The following DRAM1 variants were observed in gnomAD, a reference collection of about 807,000 sequenced individuals.
DRAM1 encodes DNA damage regulated autophagy modulator 1, also known as DNA damage-regulated autophagy modulator protein 1.
DRAM1 carries 25 observed loss-of-function variants against 28.5 expected under a neutral mutation model. That is an observed-to-expected ratio of 0.88 (90% CI 0.64 to 1.23). The LOEUF (loss-of-function observed/expected upper bound fraction) is 1.23. Ranked by LOEUF, DRAM1 falls within the 50% of genes most tolerant of loss-of-function variation. The pLI is 0.00. For missense variants in DRAM1, 249 were observed against 299.2 expected, an observed-to-expected ratio of 0.83 and a Z score of 1.24; for synonymous variants, 113 against 114.2, an observed-to-expected ratio of 0.99 and a Z score of 0.07.
chr12:101,880,894 G>C (rs1241409687), intron 1 of DRAM1, among the ~76,000 whole-genome samples: 1 of 152,064 alleles, frequency 6.6e-6, no homozygotes, highest in East Asian at 1.9e-4. Flanking sequence ...AGGAGAAAAA[G>C]GCATGCCCCC....
At chr12:101,916,259 T>A (rs1471901281) in intron 5 of DRAM1, among the ~76,000 whole-genome samples, 1 of 152,198 alleles carries the variant, frequency 6.6e-6, no homozygotes, top group Non-Finnish European at 1.5e-5. Flanking sequence ...ATGCCTGTAA[T>A]CCCAGCACTT....
intron 1 of DRAM1, among the ~76,000 whole-genome samples, chr12:101,893,239 C>A (rs1224851023): frequency 6.6e-6 from 1 of 152,226 alleles, no homozygotes; most frequent in Non-Finnish European, 1.5e-5. Flanking sequence ...CTGGTGTCTG[C>A]TCCTGAGCAG....
chr12:101,906,854 CAAAAAAA>C (rs751751554), intron 3 of DRAM1, among the ~76,000 whole-genome samples: 1 of 67,488 alleles, frequency 1.5e-5, no homozygotes, highest in Admixed American at 1.9e-4. Context: ...GACTCTGCCT[CAAAAAAA>C]AAAAAAAAAA....
At chr12:101,886,871 T>C (rs1168513668) in intron 1 of DRAM1, among the ~76,000 whole-genome samples, 3 of 152,192 alleles carry the variant, frequency 2.0e-5, no homozygotes, top group Non-Finnish European at 2.9e-5. Flanking sequence ...TTGGGCCGGA[T>C]GCAGTGGCTC....
chr12:101,916,853 G>T lies in DRAM1; in HGVS notation c.579+2621G>T, dbSNP rs569001220. On this transcript the variant is annotated intron_variant, in intron 5 of 6. Coordinates refer to ENST00000258534, the MANE Select transcript of DRAM1 (RefSeq NM_018370.3). ...ATAGAGGATCCTGAGGGATTTTATA[G>T]TTCAGAGGGGCAAACAGCCAGTTGT... Among the ~76,000 whole-genome samples, 4 of 152,314 alleles carry T rather than the reference G, an allele frequency of 2.6e-5. No individual in the cohort carries two copies. In the East Asian group the frequency reaches 7.7e-4, roughly 29 times the overall value.
intron 1 of DRAM1, among the ~76,000 whole-genome samples, chr12:101,892,057 T>C (rs772014372): frequency 2.0e-5 from 3 of 152,192 alleles, no homozygotes; most frequent in Non-Finnish European, 4.4e-5. Flanking sequence ...AGTGTTTACT[T>C]ATCTGGATTC....
At chr12:101,906,242 T>C (rs1484969936) in intron 3 of DRAM1, among the ~76,000 whole-genome samples, 1 of 151,556 alleles carries the variant, frequency 6.6e-6, no homozygotes. Context: ...AGTTAAAAGG[T>C]CTTTTTTTTT....
chr12:101,916,975 A>G (rs922495100), intron 5 of DRAM1, among the ~76,000 whole-genome samples: 2 of 152,248 alleles, frequency 1.3e-5, no homozygotes, highest in Non-Finnish European at 2.9e-5. Context: ...AATTAATCCT[A>G]ACGATGGAAT....
chr12:101,897,722 C>G, intron 1 of DRAM1, 141 bp from the exon 2 acceptor site: 2 of 643,840 alleles, frequency 3.1e-6, no homozygotes, highest in East Asian at 2.9e-5. Flanking sequence ...TACTTTAGAA[C>G]AAAATCAGGC....
At chr12:101,882,107 A>AT (rs78402038) in intron 1 of DRAM1, among the ~76,000 whole-genome samples, 1,900 of 129,370 alleles carry the variant, frequency 0.015, 111 homozygotes, top group Non-Finnish European at 0.023. Flanking sequence ...TGATGGTCTA[A>AT]TTTTTTTTTT....
chr12:101,878,159 C>CCCA, intron 1 of DRAM1, among the ~76,000 whole-genome samples: 1 of 152,118 alleles, frequency 6.6e-6, no homozygotes, highest in Non-Finnish European at 1.5e-5. Context: ...AGGAGAGGTT[C>CCCA]AGGATAGATG....
At chr12:101,914,915 C>G (rs557239757) in intron 5 of DRAM1, among the ~76,000 whole-genome samples, 31 of 151,920 alleles carry the variant, frequency 2.0e-4, no homozygotes, top group African/African-American at 7.5e-4. Context: ...GTCTCGGCCT[C>G]CCAAAGTGCT....
intron 5 of DRAM1, 96 bp from the exon 6 acceptor site, chr12:101,920,013 G>A: frequency 1.2e-6 from 1 of 823,410 alleles, no homozygotes; most frequent in East Asian, 2.9e-5. Flanking sequence ...TCACTGGACA[G>A]CTTTTTCCTT....
At chr12:101,915,183 A>G (rs141062979) in intron 5 of DRAM1, among the ~76,000 whole-genome samples, 7,120 of 150,726 alleles carry the variant, frequency 0.047, 559 homozygotes, top group African/African-American at 0.16. Context: ...GTTTCACCGT[A>G]TTAGCCAGGA....
At chr12:101,906,273 T>C (rs1057111666) in intron 3 of DRAM1, among the ~76,000 whole-genome samples, 6 of 151,972 alleles carry the variant, frequency 3.9e-5, no homozygotes, top group African/African-American at 7.3e-5. Flanking sequence ...CCCTTTCTTA[T>C]GTGGTGAATG....
intron 1 of DRAM1, among the ~76,000 whole-genome samples, chr12:101,887,744 G>A (rs1441340375): frequency 2.0e-5 from 3 of 151,936 alleles, no homozygotes; most frequent in African/African-American, 7.3e-5. Context: ...TCACCATGTT[G>A]GCCAGGCTGG....
chr12:101,914,199 C>T lies in DRAM1; in HGVS notation c.546C>T (p.Ser182=). The stretch of plus-strand genomic sequence containing the variant: ...TGATTGTCTGTGCTTCACTAATTTC[C>T]ATAACCAAGCTGGAGTGGAATCCAA... The part of the protein sequence containing the change: ...IPMIVCASLI[S]ITKLEWNPRE... Residue 182 remains serine (S), a synonymous_variant, in exon 5 of 7, where the codon TCC becomes TCT. Coordinates refer to ENST00000258534, the MANE Select transcript of DRAM1 (RefSeq NM_018370.3). 2 of 1,608,382 alleles carry T rather than the reference C, an allele frequency of 1.2e-6. No individual in the cohort carries two copies. The highest frequency in any genetic ancestry group is 4.5e-5 in the East Asian group (2 of 44,618).
In DRAM1 at chr12:101,877,903, C is replaced by T; in HGVS notation, c.114C>T (p.Pro38=). The change falls in exon 1 of 7, where the codon CCC becomes CCT. Residue 38 remains proline (P), a synonymous_variant. Coordinates refer to ENST00000258534, the MANE Select transcript of DRAM1 (RefSeq NM_018370.3). This position sits in a 1 kb window ranked among gnomAD's most constrained non-coding sequence, Gnocchi z 4.1. The part of the protein sequence containing the change: ...VVAVLSGHVN[P]FLPYISDTGT... ...CCGTGCTCTCCGGGCACGTCAACCC[C>T]TTCCTCCCGTATATCAGGTGAGTGG... 1 of 1,538,582 alleles carries T rather than the reference C, an allele frequency of 6.5e-7. No homozygotes were observed. The highest frequency in any genetic ancestry group is 1.2e-5 in the South Asian group (1 of 82,600).
chr12:101,889,976 A>G (rs1594294223), intron 1 of DRAM1: 2 of 412,466 alleles, frequency 4.8e-6, no homozygotes, highest in East Asian at 1.5e-4. Context: ...GCCAGTAATG[A>G]GTACTTTCTA....
Sources: gnomAD v4.1 joint callset for allele counts (sites outside exome capture counted in the v4.1 genomes callset) on GRCh38, gnomAD v4.1.1 for gene constraint, Gnocchi (gnomAD v3.1) non-coding constraint, MANE v1.5 for transcripts, NCBI Gene and HGNC (gene_info 2026-07-23, HGNC 2026-07-21) for gene names.